Variants in PRKCB observed in about 807,000 individuals in gnomAD.
PRKCB encodes the protein protein kinase C beta.
In PRKCB, 13 loss-of-function variants were observed where a neutral mutation model predicts 81.5. That is an observed-to-expected ratio of 0.16 (90% CI 0.10 to 0.25). The LOEUF is 0.25. Ranked by LOEUF, PRKCB falls within the 10% of genes least tolerant of loss-of-function variation. The pLI, the probability that PRKCB is intolerant of heterozygous loss-of-function variation, is 1.00. For missense variants in PRKCB, 509 were observed against 875.7 expected (o/e 0.58, Z 5.29); for synonymous variants, 335 against 321.4 (o/e 1.04, Z -0.45).
chr16:23,897,971 T>C (rs899689855), intron 2 of PRKCB, among the ~76,000 whole-genome samples: 2 of 152,074 alleles, frequency 1.3e-5, no homozygotes, highest in Non-Finnish European at 2.9e-5. Context: ...TGATCTCGGC[T>C]CACTGCAACC....
intron 3 of PRKCB, among the ~76,000 whole-genome samples, chr16:24,017,418 G>A (rs1052951741): frequency 6.6e-6 from 1 of 151,974 alleles, no homozygotes; most frequent in African/African-American, 2.4e-5. Flanking sequence ...GAAAATATCA[G>A]GAAGGACTTT....
intron 5 of PRKCB, among the ~76,000 whole-genome samples, chr16:24,055,996 A>G (rs1965899044): frequency 6.6e-6 from 1 of 152,230 alleles, no homozygotes; most frequent in South Asian, 2.1e-4. Context: ...CTCAAGGTCA[A>G]CTGGGCTTCT....
At chr16:24,116,389 T>C (rs1966737847) in intron 8 of PRKCB, among the ~76,000 whole-genome samples, 1 of 151,960 alleles carries the variant, frequency 6.6e-6, no homozygotes, top group Non-Finnish European at 1.5e-5. Context: ...ACCCTACCTC[T>C]ATTATTAAAA....
intron 2 of PRKCB, among the ~76,000 whole-genome samples, chr16:23,883,843 A>G (rs1234523085): frequency 1.3e-5 from 2 of 152,168 alleles, no homozygotes; most frequent in Non-Finnish European, 2.9e-5. Flanking sequence ...CAGTAGAAAT[A>G]TAACATGAGC....
intron 2 of PRKCB, among the ~76,000 whole-genome samples, chr16:23,982,113 TTTCCCTTCCCC>T (rs1964736790): frequency 3.0e-5 from 1 of 33,454 alleles, no homozygotes; most frequent in Non-Finnish European, 5.4e-5. Context: ...TTCCCTTCCC[TTTCCCTTCCCC>T]TTCCCTTCCC....
chr16:24,183,247 T>G (rs1027921817), intron 13 of PRKCB, among the ~76,000 whole-genome samples: 2 of 152,212 alleles, frequency 1.3e-5, no homozygotes, highest in Admixed American at 6.5e-5. Context: ...ACATTTATCA[T>G]GTGCAACATG....
At chr16:24,158,704 G>A (rs549025582) in intron 10 of PRKCB, among the ~76,000 whole-genome samples, 2 of 152,032 alleles carry the variant, frequency 1.3e-5, no homozygotes, top group East Asian at 3.9e-4. Flanking sequence ...TGTGGCCCAG[G>A]CTTGAGTGCA....
At chr16:24,035,570 T>A (rs1056836828) in intron 5 of PRKCB, 23 bp downstream of exon 5, 2 of 1,354,404 alleles carry the variant, frequency 1.5e-6, no homozygotes, top group Admixed American at 4.0e-5. Context: ...GGGGCTCCAC[T>A]GGCTCCTGAC....
intron 16 of PRKCB, among the ~76,000 whole-genome samples, chr16:24,194,692 A>G (rs1967853125): frequency 6.6e-6 from 1 of 150,476 alleles, no homozygotes; most frequent in African/African-American, 2.5e-5. Flanking sequence ...ATATAAAAAG[A>G]TTACAATACT....
chr16:24,121,883 T>C (rs1966802343), intron 8 of PRKCB, among the ~76,000 whole-genome samples: 1 of 152,152 alleles, frequency 6.6e-6, no homozygotes, highest in Non-Finnish European at 1.5e-5. Flanking sequence ...CTTGAAAAGG[T>C]GATGAATGTT....
intron 10 of PRKCB, among the ~76,000 whole-genome samples, chr16:24,156,805 AC>A (rs909853826): frequency 3.3e-5 from 5 of 152,000 alleles, no homozygotes; most frequent in African/African-American, 1.2e-4. Flanking sequence ...AGGCTCCCCT[AC>A]TCCCTTACCT....
chr16:24,152,570 C>T (rs1297025429), intron 9 of PRKCB, among the ~76,000 whole-genome samples: 3 of 152,170 alleles, frequency 2.0e-5, no homozygotes, highest in Admixed American at 6.5e-5. Context: ...ACCTCCCTGC[C>T]CCCTCCCTGC....
intron 2 of PRKCB, among the ~76,000 whole-genome samples, chr16:23,876,603 C>T (rs992815198): frequency 6.6e-6 from 1 of 151,628 alleles, no homozygotes; most frequent in Non-Finnish European, 1.5e-5. Flanking sequence ...ATGACATTTG[C>T]GTACCTCTCT....
At chr16:23,895,813 A>G (rs916641721) in intron 2 of PRKCB, among the ~76,000 whole-genome samples, 4 of 152,338 alleles carry the variant, frequency 2.6e-5, no homozygotes, top group Admixed American at 6.5e-5. Context: ...TGGAACACAC[A>G]CTGCTATTGG....
Position 23,897,918 on chromosome 16 carries a change from C to T in PRKCB, c.205+60512C>T, listed in dbSNP as rs1265282453. Reference sequence around the variant, plus strand: ...GTTATTTATTTATTTATTTATTTTGCAATGGAGTCTTGCTCTGTTGTCCAG... The same window carrying T: ...GTTATTTATTTATTTATTTATTTTGTAATGGAGTCTTGCTCTGTTGTCCAG... On this transcript the variant is annotated intron_variant, in intron 2 of 16. Transcript: ENST00000643927. 4.7e-5 allele frequency among the ~76,000 whole-genome samples: 7 copies of T among 150,486 alleles called. No individual in the cohort carries two copies. The East Asian group carries it at 5.8e-4, about 12-fold the overall frequency.
At chr16:24,200,720 G>A (rs1468410799) in intron 16 of PRKCB, among the ~76,000 whole-genome samples, 1 of 152,096 alleles carries the variant, frequency 6.6e-6, no homozygotes, top group East Asian at 1.9e-4. Context: ...TGCACATGCA[G>A]GGGAAAGATA....
At chr16:24,124,170 C>T (rs1405332401) in intron 9 of PRKCB, among the ~76,000 whole-genome samples, 189 bp downstream of exon 9, 1 of 152,144 alleles carries the variant, frequency 6.6e-6, no homozygotes, top group Non-Finnish European at 1.5e-5. Flanking sequence ...AAAAAGGCGA[C>T]CCTTTCAGTC....
intron 16 of PRKCB, among the ~76,000 whole-genome samples, chr16:24,193,402 G>A (rs1424103362): frequency 7.3e-5 from 11 of 151,406 alleles, no homozygotes; most frequent in African/African-American, 1.5e-4. Context: ...CTGAGATTGC[G>A]CCACTGCACT....
At chr16:23,844,595 C>T (rs1461482277) in intron 2 of PRKCB, among the ~76,000 whole-genome samples, 1 of 152,064 alleles carries the variant, frequency 6.6e-6, no homozygotes, top group African/African-American at 2.4e-5. Flanking sequence ...GCAAGCTCCA[C>T]CTCCCAGGTT....
Sources: allele counts gnomAD v4.1 joint callset (sites outside exome capture counted in the v4.1 genomes callset), GRCh38; gene constraint gnomAD v4.1.1; transcripts MANE v1.5; gene names NCBI Gene and HGNC (gene_info 2026-07-23, HGNC 2026-07-21).